Variants in DGUOK observed in about 807,000 individuals in gnomAD.
DGUOK encodes deoxyguanosine kinase, also known as deoxyguanosine kinase, mitochondrial.
DGUOK carries 30 observed loss-of-function variants against 36.6 expected under a neutral mutation model. The observed-to-expected ratio is 0.82, with a 90% confidence interval of 0.61 to 1.11. The LOEUF (loss-of-function observed/expected upper bound fraction) is 1.11. Among genes scored for constraint, DGUOK ranks in the 50% most tolerant of loss-of-function variants. DGUOK has a pLI of 0.00. For synonymous variants in DGUOK, 145 were observed against 126.3 expected, an observed-to-expected ratio of 1.15 and a Z score of -0.99; for missense variants, 361 against 336.4, an observed-to-expected ratio of 1.07 and a Z score of -0.57.
Position 73,950,752 on chromosome 2 carries a change from C to T in DGUOK, c.591+20C>T. 6.2e-7 allele frequency: 1 copy of T among 1,614,136 alleles called. No homozygotes were observed. The highest frequency in any genetic ancestry group is 8.5e-7 in the Non-Finnish European group (1 of 1,179,998). ...CCCCAGGTAACACTGAACCTACAAC[C>T]TTAGACTTTAGGGCCATATGAAACC... On this transcript the variant is annotated intron_variant, in intron 4 of 6. Coordinates refer to ENST00000264093, the MANE Select transcript of DGUOK (RefSeq NM_080916.3).
intron 3 of DGUOK, chr2:73,947,262 G>A: frequency 7.1e-6 from 2 of 282,696 alleles, no homozygotes; most frequent in South Asian, 3.8e-5. Context: ...TATATTCTAA[G>A]AAATCAGATG....
chr2:73,953,719 C>CTTTTTT lies in DGUOK; in HGVS notation c.591+3004_591+3009dup, dbSNP rs386390474. ...CTTTCTACCTATTCTTCCCTAACTT[C>CTTTTTT]TTTTTTTTTTTTTTTTTTTTTTGAG... is the stretch of plus-strand genomic sequence containing the variant. On this transcript the variant is annotated intron_variant, in intron 4 of 6. Coordinates refer to ENST00000264093, the MANE Select transcript of DGUOK (RefSeq NM_080916.3). 9.0e-4 allele frequency among the ~76,000 whole-genome samples: 86 copies of CTTTTTT among 95,780 alleles called. 3 individuals carry two copies. The highest frequency in any genetic ancestry group is 1.4e-3 in the Admixed American group (10 of 7,404). 62.8% of individuals were successfully genotyped at this position (95,780 alleles called of 152,430 possible). A position where few individuals can be genotyped will look rare whatever the true frequency, so the allele number is the denominator to read the frequency against.
At chr2:73,955,406 T>C (rs1683014728) in intron 4 of DGUOK, among the ~76,000 whole-genome samples, 1 of 152,222 alleles carries the variant, frequency 6.6e-6, no homozygotes, top group Non-Finnish European at 1.5e-5. Flanking sequence ...AGTCTGGCAG[T>C]ATATAATTGC....
intron 1 of DGUOK, among the ~76,000 whole-genome samples, chr2:73,937,513 T>C (rs1388040183): frequency 1.3e-5 from 2 of 151,970 alleles, no homozygotes; most frequent in East Asian, 1.9e-4. Context: ...ATATGAAAAA[T>C]GTAGAAGCAA....
chr2:73,947,150 T>C, intron 3 of DGUOK: 1 of 523,456 alleles, frequency 1.9e-6, no homozygotes, highest in East Asian at 3.6e-5. Flanking sequence ...TTGCTACTGA[T>C]TACCTTATGT....
chr2:73,947,912 T>C (rs1217811769), intron 3 of DGUOK: 2 of 152,204 alleles, frequency 1.3e-5, no homozygotes, highest in East Asian at 3.8e-4. Context: ...CTAGTTCTAT[T>C]TCTTAGTGCT....
At chr2:73,950,972 A>G (rs1048684879) in intron 4 of DGUOK, among the ~76,000 whole-genome samples, 44 of 152,180 alleles carry the variant, frequency 2.9e-4, no homozygotes, top group Non-Finnish European at 5.9e-5. Flanking sequence ...TGTAGGAACA[A>G]CAGAGCAAAT....
chr2:73,929,690 T>TA (rs1189228625), intron 1 of DGUOK, among the ~76,000 whole-genome samples: 2 of 152,096 alleles, frequency 1.3e-5, no homozygotes, highest in Non-Finnish European at 2.9e-5. Context: ...GTGAAGAAGG[T>TA]ATTCAGTGGG....
chr2:73,940,732 A>G (rs1372847080), intron 2 of DGUOK, among the ~76,000 whole-genome samples: 4 of 152,164 alleles, frequency 2.6e-5, no homozygotes, highest in Admixed American at 2.6e-4. Context: ...AATACTTACC[A>G]TTGTGTTACA....
chr2:73,939,851 T>C (rs1189274271), intron 2 of DGUOK, among the ~76,000 whole-genome samples: 1 of 152,096 alleles, frequency 6.6e-6, no homozygotes, highest in Non-Finnish European at 1.5e-5. Flanking sequence ...GTAACAACCC[T>C]ATATATAGTT....
chr2:73,932,149 G>T (rs550890829), intron 1 of DGUOK, among the ~76,000 whole-genome samples: 5 of 152,272 alleles, frequency 3.3e-5, no homozygotes, highest in Admixed American at 1.3e-4. Context: ...GGGTAGAGGG[G>T]TAGTTGGTGA....
At chr2:73,932,577 GAT>G in intron 1 of DGUOK, 1 of 1,279,640 alleles carries the variant, frequency 7.8e-7, no homozygotes, top group Non-Finnish European at 1.0e-6. Flanking sequence ...AATCAAGAGT[GAT>G]CATCTTCTCT....
At position 73,958,061 on chromosome 2, in the gene DGUOK, C is replaced by T. The variant is rs1344509558; in HGVS notation, c.708-85C>T. ...GTCATGTTGAATTTAGATCTGTTCT[C>T]TGAGTAAGACTTGGCGAGTATGTGA... On this transcript the variant is annotated intron_variant, in intron 5 of 6. Coordinates refer to ENST00000264093, the MANE Select transcript of DGUOK (RefSeq NM_080916.3). 4 of 1,032,486 alleles carry T rather than the reference C, an allele frequency of 3.9e-6. No homozygotes were observed. The Admixed American group carries it at 5.6e-5, about 15-fold the overall frequency. 64.0% of individuals were successfully genotyped at this position (1,032,486 alleles called of 1,614,324 possible). A position where few individuals can be genotyped will look rare whatever the true frequency, so the allele number is the denominator to read the frequency against.
intron 2 of DGUOK, among the ~76,000 whole-genome samples, chr2:73,941,501 A>G (rs1294373178): frequency 6.6e-6 from 1 of 152,260 alleles, no homozygotes. Context: ...ACATAAATGT[A>G]TAAAATATAT....
chr2:73,954,961 T>A (rs1682980989), intron 4 of DGUOK, among the ~76,000 whole-genome samples: 1 of 152,178 alleles, frequency 6.6e-6, no homozygotes, highest in African/African-American at 2.4e-5. Context: ...TAAATAGAAT[T>A]TGTTATAGCG....
At chr2:73,939,442 T>C (rs933027416) in intron 2 of DGUOK, among the ~76,000 whole-genome samples, 4 of 152,234 alleles carry the variant, frequency 2.6e-5, no homozygotes, top group African/African-American at 9.6e-5. Context: ...AGTCACACTT[T>C]GAGTCAATGG....
At chr2:73,937,267 G>T (rs1175960551) in intron 1 of DGUOK, among the ~76,000 whole-genome samples, 1 of 152,186 alleles carries the variant, frequency 6.6e-6, no homozygotes, top group Non-Finnish European at 1.5e-5. Flanking sequence ...ATGTGATCTG[G>T]CCCCGGACTG....
intron 4 of DGUOK, among the ~76,000 whole-genome samples, chr2:73,953,945 T>A (rs1573569691): frequency 6.6e-6 from 1 of 151,896 alleles, no homozygotes; most frequent in Non-Finnish European, 1.5e-5. Flanking sequence ...ATGGTCTCGA[T>A]CTCCTGACGT....
Position 73,950,698 on chromosome 2 carries a change from T to C in DGUOK, c.557T>C (p.Leu186Ser). 1 of 1,614,216 alleles carries C rather than the reference T, an allele frequency of 6.2e-7. No individual in the cohort carries two copies. The highest frequency in any genetic ancestry group is 8.5e-7 in the Non-Finnish European group (1 of 1,180,040). The change falls in exon 4 of 7, where the codon TTA becomes TCA. Residue 186 changes from leucine (L) to serine (S), a missense_variant. By Grantham distance (145) the Leu-to-Ser change is moderately radical. Coordinates refer to ENST00000264093, the MANE Select transcript of DGUOK (RefSeq NM_080916.3). ...TGGGAGTTTGCCAGCCGGATCACATTACATGGCTTCATCTACCTCCAGGCT... is the reference window on the plus strand; with the variant it reads ...TGGGAGTTTGCCAGCCGGATCACATCACATGGCTTCATCTACCTCCAGGCT... Reference protein sequence around the residue: ...LLWEFASRITLHGFIYLQASP... With the variant: ...LLWEFASRITSHGFIYLQASP...
Sources: allele counts gnomAD v4.1 joint callset (sites outside exome capture counted in the v4.1 genomes callset), GRCh38; gene constraint gnomAD v4.1.1; transcripts MANE v1.5; gene names NCBI Gene and HGNC (gene_info 2026-07-23, HGNC 2026-07-21).